Variants in USP28 observed in about 807,000 individuals in gnomAD.
USP28 encodes the protein ubiquitin specific peptidase 28, also known as ubiquitin carboxyl-terminal hydrolase 28.
In USP28, 113 loss-of-function variants were observed where a neutral mutation model predicts 145.0. The ratio of observed to expected loss-of-function variants is 0.78; its 90% CI spans 0.67 to 0.91. The LOEUF (loss-of-function observed/expected upper bound fraction) is 0.91, where lower values mean the gene tolerates loss of function less well. Ranked by LOEUF, USP28 falls within the 40% of genes least tolerant of loss-of-function variation. The pLI is 0.00. For synonymous variants in USP28, 447 were observed against 450.9 expected (o/e 0.99, Z 0.11); for missense variants, 1,201 against 1,289.6 (o/e 0.93, Z 1.05).
At chr11:113,862,380 T>C (rs993682746) in intron 1 of USP28, among the ~76,000 whole-genome samples, 5 of 152,142 alleles carry the variant, frequency 3.3e-5, no homozygotes, top group Non-Finnish European at 7.4e-5. Context: ...AGAGAGGTGA[T>C]GTGGGATTGG....
chr11:113,799,047 A>G (rs889281125), exon 25 of USP28: 3 of 562,572 alleles, frequency 5.3e-6, no homozygotes, highest in African/African-American at 3.8e-5. Flanking sequence ...CTAGTGAAAC[A>G]GCTTTTATGA....
intron 16 of USP28, 80 bp downstream of exon 16, chr11:113,812,196 A>T: frequency 1.0e-6 from 1 of 972,446 alleles, no homozygotes; most frequent in Non-Finnish European, 1.5e-6. Flanking sequence ...TAAATTTTTT[A>T]AAAAGCAGTA....
chr11:113,803,020 A>G (rs1197221060), intron 23 of USP28, 138 bp downstream of exon 24: 2 of 994,620 alleles, frequency 2.0e-6, no homozygotes, highest in South Asian at 5.1e-5. Context: ...GTTCCAATGT[A>G]AAACTGTTCA....
chr11:113,867,205 T>C (rs1439555556), intron 1 of USP28, among the ~76,000 whole-genome samples: 1 of 152,172 alleles, frequency 6.6e-6, no homozygotes, highest in African/African-American at 2.4e-5. Context: ...GTTTTAGAAC[T>C]AGACGGAATT....
chr11:113,869,974 CA>C (rs1347006942), intron 1 of USP28, among the ~76,000 whole-genome samples: 14 of 151,568 alleles, frequency 9.2e-5, no homozygotes. Flanking sequence ...ACCAACCTGA[CA>C]AACATGGAGA....
At chr11:113,799,050 T>C (rs1000954134) in exon 25 of USP28, 5 of 580,204 alleles carry the variant, frequency 8.6e-6, no homozygotes, top group Non-Finnish European at 1.4e-5. Flanking sequence ...GTGAAACAGC[T>C]TTTATGATTT....
At chr11:113,808,177 G>T in intron 18 of USP28, 41 bp from the exon 19 acceptor site, 3 of 1,526,180 alleles carry the variant, frequency 2.0e-6, no homozygotes, top group Non-Finnish European at 2.6e-6. Context: ...GAAAAAACAG[G>T]AGAAATAAAT....
chr11:113,829,684 G>C (rs1943765274), intron 9 of USP28, among the ~76,000 whole-genome samples: 1 of 151,976 alleles, frequency 6.6e-6, no homozygotes, highest in Non-Finnish European at 1.5e-5. Flanking sequence ...AATTATCCGG[G>C]TGCAGTAACA....
intron 5 of USP28, among the ~76,000 whole-genome samples, chr11:113,839,801 G>C (rs1944991635): frequency 6.6e-6 from 1 of 152,102 alleles, no homozygotes; most frequent in Non-Finnish European, 1.5e-5. Flanking sequence ...GAGGCAGGCA[G>C]ATCACATGGT....
intron 3 of USP28, among the ~76,000 whole-genome samples, chr11:113,843,659 G>C (rs1199277545): frequency 3.0e-5 from 3 of 100,556 alleles, no homozygotes; most frequent in Admixed American, 1.3e-4. Context: ...CAACAAGAGC[G>C]AAACTCTATC....
intron 5 of USP28, among the ~76,000 whole-genome samples, chr11:113,837,704 A>G (rs1361940634): frequency 6.6e-6 from 1 of 152,120 alleles, no homozygotes; most frequent in Non-Finnish European, 1.5e-5. Flanking sequence ...TTGTCCTTTG[A>G]TCACATACCC....
At chr11:113,854,141 A>T (rs1946784331) in intron 2 of USP28, 117 bp downstream of exon 2, 6 of 889,816 alleles carry the variant, frequency 6.7e-6, no homozygotes, top group Non-Finnish European at 1.0e-5. Flanking sequence ...TTTGACCTGT[A>T]GAGCTTCTGT....
chr11:113,846,831 C>A (rs1945909760), intron 3 of USP28, among the ~76,000 whole-genome samples: 1 of 151,988 alleles, frequency 6.6e-6, no homozygotes. Flanking sequence ...CCAGTCTCTA[C>A]CAAAAACACA....
chr11:113,849,558 C>A (rs1046646685), intron 3 of USP28, among the ~76,000 whole-genome samples: 1 of 152,048 alleles, frequency 6.6e-6, no homozygotes, highest in Admixed American at 6.6e-5. Flanking sequence ...AAGGGATGTC[C>A]GTATGAGGCA....
At chr11:113,829,576 C>A in intron 9 of USP28, 1 of 478,352 alleles carries the variant, frequency 2.1e-6, no homozygotes. Context: ...GCCTGTAATC[C>A]CACCACTTTG....
chr11:113,827,152 C>T, intron 11 of USP28, 81 bp downstream of exon 11: 3 of 1,492,596 alleles, frequency 2.0e-6, no homozygotes, highest in Admixed American at 2.3e-5. Flanking sequence ...CCAGGTGATT[C>T]CTACGCACAC....
intron 17 of USP28, 56 bp from the exon 18 acceptor site, chr11:113,808,493 T>A: frequency 6.3e-7 from 1 of 1,583,958 alleles, no homozygotes; most frequent in Non-Finnish European, 8.6e-7. Flanking sequence ...TCTAGAACAC[T>A]CAGATAAAAA....
rs1187627460 is a variant in USP28, at chr11:113,846,487, A to G, written c.269-4719T>C. Among the ~76,000 whole-genome samples, 3 of 152,232 alleles carry G rather than the reference A, an allele frequency of 2.0e-5. No homozygotes were observed. The East Asian group carries it at 5.8e-4, about 29-fold the overall frequency. ...AGTCAAATTCATAGAAACAGAAAAC[A>G]GAATGGTAGTTACCAGGGGCTGGGT... On this transcript the variant is annotated intron_variant, in intron 3 of 24. Transcript: ENST00000003302.
At chr11:113,852,501 T>C in exon 3 of USP28, 1 of 1,614,184 alleles carries the variant, frequency 6.2e-7, no homozygotes, top group East Asian at 2.2e-5. Context: ...TGGTACCTAC[T>C]TGCTAATACT....
Sources: gnomAD v4.1 joint callset for allele counts (sites outside exome capture counted in the v4.1 genomes callset) on GRCh38, gnomAD v4.1.1 for gene constraint, MANE v1.5 for transcripts, NCBI Gene and HGNC (gene_info 2026-07-23, HGNC 2026-07-21) for gene names.